The following POTEC variants were observed in gnomAD, a reference collection of about 807,000 sequenced individuals.
POTEC encodes the protein POTE ankyrin domain family member C.
A neutral mutation model predicts 62.0 loss-of-function variants in POTEC; 35 were observed. That is an observed-to-expected ratio of 0.56 (90% CI 0.43 to 0.75). POTEC has a LOEUF of 0.75. Ranked by LOEUF, POTEC falls within the 30% of genes least tolerant of loss-of-function variation. POTEC has a pLI of 0.00. For missense variants in POTEC, 472 were observed against 655.9 expected, an observed-to-expected ratio of 0.72 and a Z score of 3.06; for synonymous variants, 156 against 221.5, an observed-to-expected ratio of 0.70 and a Z score of 2.62.
At chr18:14,528,139 C>CT (rs1403248952) in intron 6 of POTEC, 2 of 152,176 alleles carry the variant, frequency 1.3e-5, no homozygotes, top group Non-Finnish European at 2.9e-5. Context: ...ACCACATAGT[C>CT]TAAAATATTT....
Position 14,514,842 on chromosome 18 carries a change from G to A in POTEC, c.1410-1057C>T, listed in dbSNP as rs537394070. 1.3e-4 allele frequency among the ~76,000 whole-genome samples: 20 copies of A among 151,936 alleles called. No individual in the cohort carries two copies. The South Asian group carries it at 4.0e-3, about 30-fold the overall frequency. ...CAAAACACTCCTAGATTTGATAAAT[G>A]AATTTAGTAAAGTCTCAGAGGTTAC... On this transcript the variant is annotated intron_variant, in intron 9 of 10. Transcript: ENST00000358970.
chr18:14,528,573 T>C (rs929658423), intron 6 of POTEC, among the ~76,000 whole-genome samples: 108 of 152,090 alleles, frequency 7.1e-4, no homozygotes, highest in South Asian at 8.3e-4. Flanking sequence ...AACAAGATGT[T>C]TGGAGCTGCT....
At chr18:14,537,076 C>A (rs2143161433) in intron 3 of POTEC, among the ~76,000 whole-genome samples, 1 of 150,858 alleles carries the variant, frequency 6.6e-6, no homozygotes, top group African/African-American at 2.4e-5. Context: ...AGTTTACAAC[C>A]CACTAACTCC....
At chr18:14,521,765 G>A (rs949642504) in intron 9 of POTEC, among the ~76,000 whole-genome samples, 1 of 152,086 alleles carries the variant, frequency 6.6e-6, no homozygotes, top group African/African-American at 2.4e-5. Flanking sequence ...AAAATCAAAT[G>A]CCACATATTC....
At chr18:14,536,790 C>T (rs1905728117) in intron 3 of POTEC, among the ~76,000 whole-genome samples, 3 of 152,054 alleles carry the variant, frequency 2.0e-5, no homozygotes, top group Non-Finnish European at 4.4e-5. Flanking sequence ...GCTGAAAACA[C>T]CACAAAATTT....
intron 9 of POTEC, among the ~76,000 whole-genome samples, chr18:14,515,597 A>C (rs1202448964): frequency 2.6e-5 from 4 of 152,128 alleles, no homozygotes; most frequent in African/African-American, 4.8e-5. Context: ...AGCCTAGGCA[A>C]ATAATTTATG....
In POTEC at chr18:14,507,971, G is replaced by A. The variant is rs1909890455; in HGVS notation, c.*3927C>T. ...TGGAATTCCCTTTGCAGGTGATGTT[G>A]CCTTTCTCCCTAGCTGCCTTTAACA... On this transcript the variant is annotated 3_prime_UTR_variant, in exon 11 of 11. Coordinates refer to ENST00000358970, the MANE Select transcript of POTEC (RefSeq NM_001137671.2). 1 of 152,160 alleles carries A rather than the reference G, an allele frequency of 6.6e-6. No homozygotes were observed. Among genetic ancestry groups the A allele is most frequent in the African/African-American group, 2.4e-5 (1 of 41,440 alleles). 9.4% of individuals were successfully genotyped at this position (152,160 alleles called of 1,614,324 possible).
intron 3 of POTEC, 63 bp downstream of exon 3, chr18:14,537,738 C>T (rs1269009985): frequency 1.1e-5 from 17 of 1,587,284 alleles, no homozygotes; most frequent in Non-Finnish European, 1.2e-5. Flanking sequence ...CTGGCCCTTA[C>T]ACAGGTCAAT....
At position 14,508,541 on chromosome 18, in the gene POTEC, T is replaced by A. The variant is rs1266331043; in HGVS notation, c.*3357A>T. 6.6e-6 allele frequency: 1 copy of A among 152,668 alleles called. No individual in the cohort carries two copies. The highest frequency in any genetic ancestry group is 1.5e-5 in the Non-Finnish European group (1 of 68,040). 9.5% of individuals were successfully genotyped at this position (152,668 alleles called of 1,614,324 possible). On this transcript the variant is annotated 3_prime_UTR_variant, in exon 11 of 11. Coordinates refer to ENST00000358970, the MANE Select transcript of POTEC (RefSeq NM_001137671.2). Reference sequence around the variant, plus strand: ...CACCATGTGACTACATTATGAAAATTCTTCTAGTGTGATTTACAGCTCTGT... The same window carrying A: ...CACCATGTGACTACATTATGAAAATACTTCTAGTGTGATTTACAGCTCTGT...
Position 14,509,648 on chromosome 18 carries a change from G to A in POTEC, c.*2250C>T, listed in dbSNP as rs1414934308. Reference sequence around the variant, plus strand: ...TGATCAGGCACGGTCCGCTTGTACAGAAGCTATGGTGTGGGCACCCGAAAG... The same window carrying A: ...TGATCAGGCACGGTCCGCTTGTACAAAAGCTATGGTGTGGGCACCCGAAAG... On this transcript the variant is annotated 3_prime_UTR_variant, in exon 11 of 11. Transcript: ENST00000358970. 6.6e-6 allele frequency: 1 copy of A among 151,792 alleles called. No homozygotes were observed. Among genetic ancestry groups the A allele is most frequent in the Non-Finnish European group, 1.5e-5 (1 of 68,000 alleles). 9.4% of individuals were successfully genotyped at this position (151,792 alleles called of 1,614,324 possible).
chr18:14,542,085 A>C (rs1905952678), intron 1 of POTEC, among the ~76,000 whole-genome samples: 1 of 149,452 alleles, frequency 6.7e-6, no homozygotes, highest in African/African-American at 2.4e-5. Flanking sequence ...CTTATGTAAA[A>C]GTGATAAACA....
At chr18:14,530,439 T>A (rs774700708) in intron 6 of POTEC, 44 bp downstream of exon 6, 1 of 1,600,492 alleles carries the variant, frequency 6.2e-7, no homozygotes, top group Admixed American at 1.7e-5. Context: ...GCCAAAAACA[T>A]TGTGGACAAC....
rs778379438 is a variant in POTEC at position 14,542,890 on chromosome 18, T to C, written c.257A>G (p.His86Arg). The change falls in exon 1 of 11, where the codon CAT becomes CGT. Residue 86 changes from histidine to arginine, a missense_variant. Transcript: ENST00000358970. ...GTSNVGTSGD[H>R]DNSFMKTLRS... Reference sequence around the variant, plus strand: ...GAGCGTCTTCATAAAGGAGTTGTCATGGTCTCCAGAAGTGCCCACGTTGCT... The same window carrying C: ...GAGCGTCTTCATAAAGGAGTTGTCACGGTCTCCAGAAGTGCCCACGTTGCT... 1 of 1,301,764 alleles carries C rather than the reference T, an allele frequency of 7.7e-7. No individual in the cohort carries two copies. The highest frequency in any genetic ancestry group is 1.4e-5 in the African/African-American group (1 of 69,218). The allele number at this position is 1,301,764 out of a possible 1,614,324, so 80.6% of individuals were successfully genotyped here.
chr18:14,520,946 G>A (rs1030244715), intron 9 of POTEC, among the ~76,000 whole-genome samples: 1 of 152,054 alleles, frequency 6.6e-6, no homozygotes, highest in Admixed American at 6.6e-5. Context: ...TTGCACTCCA[G>A]CCTGGGCAAC....
intron 9 of POTEC, among the ~76,000 whole-genome samples, chr18:14,519,921 C>T (rs1910264432): frequency 6.6e-6 from 1 of 151,964 alleles, no homozygotes; most frequent in African/African-American, 2.4e-5. Flanking sequence ...CCTCCATTGC[C>T]TCAAATATTG....
chr18:14,528,889 G>C, intron 6 of POTEC: 1 of 451,164 alleles, frequency 2.2e-6, no homozygotes, highest in Admixed American at 2.4e-5. Context: ...TAGCAAAAGT[G>C]AACTGCTCAG....
rs1383788951 is a variant in POTEC at position 14,542,988 on chromosome 18, A to G, written c.159T>C (p.Phe53=). The G allele has an allele frequency of 3.7e-6, 6 of 1,608,922 alleles. No homozygotes were observed. Among genetic ancestry groups the G allele is most frequent in the Non-Finnish European group, 5.1e-6 (6 of 1,178,648 alleles). The change falls in exon 1 of 11, where the codon TTT becomes TTC. Residue 53 remains phenylalanine, a synonymous_variant. Coordinates refer to ENST00000358970, the MANE Select transcript of POTEC (RefSeq NM_001137671.2). ...CCATCTTGCTCCTGAGCATCTTCAT[A>G]AAGGAGTCGTCGTGGTCTCCAGAAG... ...MGTSGDHDDS[F]MKMLRSKMGK...
intron 4 of POTEC, among the ~76,000 whole-genome samples, chr18:14,534,371 T>C (rs928545232): frequency 5.9e-5 from 9 of 152,006 alleles, no homozygotes; most frequent in African/African-American, 1.7e-4. Context: ...AAAAAAGCTG[T>C]TGAACCCACA....
intron 1 of POTEC, among the ~76,000 whole-genome samples, chr18:14,541,476 T>C (rs1218413541): frequency 3.3e-5 from 5 of 152,076 alleles, no homozygotes; most frequent in African/African-American, 7.2e-5. Flanking sequence ...AAATCCCGTC[T>C]TAAGAACACA....
Sources: allele counts gnomAD v4.1 joint callset (sites outside exome capture counted in the v4.1 genomes callset), GRCh38; gene constraint gnomAD v4.1.1; transcripts MANE v1.5; gene names NCBI Gene and HGNC (gene_info 2026-07-23, HGNC 2026-07-21).